The following AIMP1 variants were observed in gnomAD, a reference collection of about 807,000 sequenced individuals.
AIMP1 encodes the protein aminoacyl tRNA synthetase complex interacting multifunctional protein 1.
In AIMP1, 24 loss-of-function variants were observed where a neutral mutation model predicts 33.1. The ratio of observed to expected loss-of-function variants is 0.73; its 90% CI spans 0.53 to 1.02. The LOEUF (loss-of-function observed/expected upper bound fraction) is 1.02, where lower values mean the gene tolerates loss of function less well. AIMP1 is among the 50% of genes least tolerant of loss of function. The probability of loss-of-function intolerance (pLI) is 0.00; values close to 1 mark genes in which losing one functional copy is unlikely to be tolerated. For synonymous variants in AIMP1, 120 were observed against 121.5 expected (o/e 0.99, Z 0.08); for missense variants, 367 against 364.8 (o/e 1.01, Z -0.05).
chr4:106,317,214 C>T (rs1441485970), intron 1 of AIMP1, among the ~76,000 whole-genome samples: 1 of 152,080 alleles, frequency 6.6e-6, no homozygotes. Flanking sequence ...TTTAACCACG[C>T]GAATATCTTG....
At chr4:106,333,669 T>C (rs185471183) in intron 5 of AIMP1, among the ~76,000 whole-genome samples, 5 of 152,324 alleles carry the variant, frequency 3.3e-5, no homozygotes, top group African/African-American at 9.6e-5. Context: ...ATAATATTAT[T>C]CCCTATTTAA....
intron 1 of AIMP1, among the ~76,000 whole-genome samples, chr4:106,318,816 G>C (rs957620543): frequency 6.6e-6 from 1 of 152,112 alleles, no homozygotes; most frequent in East Asian, 1.9e-4. Flanking sequence ...AAAAGTTACT[G>C]TGTATGTGGG....
intron 5 of AIMP1, among the ~76,000 whole-genome samples, chr4:106,336,072 C>CACT (rs1354674697): frequency 3.5e-5 from 4 of 113,012 alleles, no homozygotes; most frequent in African/African-American, 1.3e-4. Flanking sequence ...GACAGGGTCT[C>CACT]ACTCTTGCCC....
At chr4:106,331,924 A>T in intron 5 of AIMP1, 41 bp downstream of exon 5, 2 of 1,538,794 alleles carry the variant, frequency 1.3e-6, no homozygotes, top group Non-Finnish European at 9.0e-7. Flanking sequence ...TACATACAAC[A>T]TTTTCATTCC....
chr4:106,334,615 A>G (rs897584539), intron 5 of AIMP1, among the ~76,000 whole-genome samples: 2 of 152,174 alleles, frequency 1.3e-5, no homozygotes, highest in Non-Finnish European at 2.9e-5. Context: ...TCACATTTGT[A>G]TAAGGGAGTC....
chr4:106,325,703 ATTC>A (rs1769427109), intron 2 of AIMP1, among the ~76,000 whole-genome samples: 1 of 151,926 alleles, frequency 6.6e-6, no homozygotes, highest in African/African-American at 2.4e-5. Flanking sequence ...CCTTTATATT[ATTC>A]TTTGGTAGCC....
At chr4:106,333,511 C>T (rs191539386) in intron 5 of AIMP1, among the ~76,000 whole-genome samples, 25 of 152,156 alleles carry the variant, frequency 1.6e-4, no homozygotes, top group East Asian at 1.5e-3. Context: ...ATTAATTATC[C>T]GAGCCAGTGA....
At chr4:106,316,441 G>C, upstream of AIMP1, 1 of 1,127,180 alleles carries the variant, frequency 8.9e-7, no homozygotes, top group East Asian at 2.6e-5. Context: ...AGCACAGGAA[G>C]AGGAAGAAAG....
intron 1 of AIMP1, among the ~76,000 whole-genome samples, chr4:106,322,969 GGAA>G (rs1352814517): frequency 6.7e-6 from 1 of 150,198 alleles, no homozygotes; most frequent in African/African-American, 2.4e-5. Context: ...GGGTGAAAAA[GGAA>G]GACTCTGTCT....
intron 6 of AIMP1, among the ~76,000 whole-genome samples, chr4:106,344,497 C>T (rs1406399618): frequency 6.6e-6 from 1 of 152,142 alleles, no homozygotes; most frequent in South Asian, 2.1e-4. Flanking sequence ...TTATTAACTC[C>T]ACCACTAGCA....
intron 2 of AIMP1, among the ~76,000 whole-genome samples, chr4:106,326,689 A>T (rs1446671646): frequency 6.6e-6 from 1 of 152,128 alleles, no homozygotes; most frequent in Non-Finnish European, 1.5e-5. Context: ...GTGTGGTAAC[A>T]TCTCAGAATT....
chr4:106,319,987 T>C (rs1769153029), intron 1 of AIMP1, among the ~76,000 whole-genome samples: 1 of 152,322 alleles, frequency 6.6e-6, no homozygotes. Flanking sequence ...TTAATTCAAG[T>C]TTTCTTCTCT....
chr4:106,344,571 T>C (rs547991825), intron 6 of AIMP1, among the ~76,000 whole-genome samples: 14 of 152,324 alleles, frequency 9.2e-5, no homozygotes, highest in African/African-American at 2.6e-4. Context: ...CTTATCATCC[T>C]GCTTTTGCCC....
At position 106,316,555 on chromosome 4, in the gene AIMP1, C is replaced by T. The variant is rs757042305; in HGVS notation, c.-65C>T. ...GCGGGTGGCTGGACCTACATGCTTCCTGCTGTGGCTGTCTCGGAACCCGTG... is the reference window on the plus strand; with the variant it reads ...GCGGGTGGCTGGACCTACATGCTTCTTGCTGTGGCTGTCTCGGAACCCGTG... On this transcript the variant is annotated 5_prime_UTR_variant, in exon 1 of 7. Coordinates refer to ENST00000672341, the MANE Select transcript of AIMP1 (RefSeq NM_001142416.2). 25 of 1,551,514 alleles carry T rather than the reference C, an allele frequency of 1.6e-5. No homozygotes were observed. Among genetic ancestry groups the T allele is most frequent in the Non-Finnish European group, 2.1e-5 (24 of 1,146,968 alleles).
At chr4:106,344,835 A>C (rs1292599033) in intron 6 of AIMP1, among the ~76,000 whole-genome samples, 1 of 152,176 alleles carries the variant, frequency 6.6e-6, no homozygotes, top group African/African-American at 2.4e-5. Context: ...TCTGAACCTC[A>C]GCTTTTTCAT....
At position 106,335,007 on chromosome 4, in the gene AIMP1, A is replaced by G. The variant is rs962472189; in HGVS notation, c.604-1862A>G. 2.0e-5 allele frequency among the ~76,000 whole-genome samples: 3 copies of G among 152,218 alleles called. No homozygotes were observed. The South Asian group carries it at 6.2e-4, about 31-fold the overall frequency. On this transcript the variant is annotated intron_variant, in intron 5 of 6. Transcript: ENST00000672341. ...GTAAAGTTTGGCATTTTTTCTGAGT[A>G]AGATGAAAGCCATTGTAGGATTTTA...
At chr4:106,335,585 A>G (rs1175675016) in intron 5 of AIMP1, among the ~76,000 whole-genome samples, 8 of 152,188 alleles carry the variant, frequency 5.3e-5, no homozygotes, top group African/African-American at 1.9e-4. Context: ...ATTGCATCTT[A>G]CTAATCCTGT....
intron 6 of AIMP1, among the ~76,000 whole-genome samples, chr4:106,341,949 G>T (rs954436094): frequency 3.9e-5 from 6 of 152,052 alleles, no homozygotes; most frequent in African/African-American, 1.2e-4. Context: ...CCATGTGTTT[G>T]TATCATCTGT....
At chr4:106,322,587 G>T (rs1346570429) in intron 1 of AIMP1, among the ~76,000 whole-genome samples, 1 of 152,190 alleles carries the variant, frequency 6.6e-6, no homozygotes, top group Non-Finnish European at 1.5e-5. Flanking sequence ...ACACACAGAC[G>T]TAACTAGAAG....
Sources: gnomAD v4.1 joint callset for allele counts (sites outside exome capture counted in the v4.1 genomes callset) on GRCh38, gnomAD v4.1.1 for gene constraint, MANE v1.5 for transcripts, NCBI Gene and HGNC (gene_info 2026-07-23, HGNC 2026-07-21) for gene names.